The following BEAN1 variants were observed in gnomAD, a reference collection of about 807,000 sequenced individuals.
The protein encoded by BEAN1 is brain expressed associated with NEDD4 1, also known as protein BEAN1.
Under a neutral mutation model 17.7 loss-of-function variants are expected in BEAN1, and 17 were observed. The observed-to-expected ratio is 0.96, with a 90% CI of 0.66 to 1.44. The LOEUF (loss-of-function observed/expected upper bound fraction) is 1.44, where lower values mean the gene tolerates loss of function less well. BEAN1 is among the 40% of genes most tolerant of loss of function. BEAN1 has a pLI of 0.00. For synonymous variants in BEAN1, 142 were observed against 151.8 expected, an observed-to-expected ratio of 0.94 and a Z score of 0.47; for missense variants, 359 against 374.1, an observed-to-expected ratio of 0.96 and a Z score of 0.33.
At chr16:66,431,366 G>A (rs954727333) in intron 1 of BEAN1, among the ~76,000 whole-genome samples, 1 of 152,110 alleles carries the variant, frequency 6.6e-6, no homozygotes, top group Admixed American at 6.5e-5. Flanking sequence ...TTTTCATTTT[G>A]TTAGCACAAA....
intron 2 of BEAN1, among the ~76,000 whole-genome samples, chr16:66,441,863 A>G (rs1255785898): frequency 6.6e-6 from 1 of 152,058 alleles, no homozygotes; most frequent in Non-Finnish European, 1.5e-5. Flanking sequence ...GACCCCTCCT[A>G]GGCACTGCTC....
chr16:66,459,616 T>A (rs748986499), intron 2 of BEAN1, among the ~76,000 whole-genome samples: 47 of 152,164 alleles, frequency 3.1e-4, no homozygotes, highest in Non-Finnish European at 2.6e-4. Flanking sequence ...CCACTGCACC[T>A]GTCCCAAAGG....
chr16:66,466,025 G>A (rs992824317), intron 2 of BEAN1, among the ~76,000 whole-genome samples: 5 of 152,196 alleles, frequency 3.3e-5, no homozygotes, highest in Admixed American at 6.5e-5. Flanking sequence ...TGTTGGCCAG[G>A]CTGGACTTGA....
intron 3 of BEAN1, among the ~76,000 whole-genome samples, chr16:66,474,772 GGAGAGAGAAGGAAAGAAAA>G (rs1839097353): frequency 6.6e-6 from 1 of 152,062 alleles, no homozygotes; most frequent in African/African-American, 2.4e-5. Context: ...AAGAAAGAAA[GGAGAGAGAAGGAAAGAAAA>G]GAAAATTCTG....
intron 3 of BEAN1, among the ~76,000 whole-genome samples, chr16:66,472,185 C>G (rs1963509495): frequency 6.6e-6 from 1 of 152,240 alleles, no homozygotes; most frequent in Non-Finnish European, 1.5e-5. Context: ...TCACACCTAC[C>G]AGGCAGAGCT....
exon 5 of BEAN1, chr16:66,493,005 C>T: frequency 1.4e-6 from 1 of 702,994 alleles, no homozygotes; most frequent in Non-Finnish European, 2.6e-6. Context: ...TCTATGCTTT[C>T]CAGACACAAA....
chr16:66,479,519 C>G (rs1249318142), intron 4 of BEAN1, among the ~76,000 whole-genome samples: 1 of 152,010 alleles, frequency 6.6e-6, no homozygotes, highest in East Asian at 1.9e-4. Flanking sequence ...GGCACGACTA[C>G]GAAGACAGAG....
intron 2 of BEAN1, among the ~76,000 whole-genome samples, chr16:66,455,771 T>C (rs1015648640): frequency 6.6e-6 from 1 of 152,108 alleles, no homozygotes; most frequent in African/African-American, 2.4e-5. Flanking sequence ...ACCACAGCCT[T>C]GACCTCCCAA....
chr16:66,493,486 C>T, exon 5 of BEAN1: 1 of 600,814 alleles, frequency 1.7e-6, no homozygotes, highest in East Asian at 2.8e-5. Flanking sequence ...GTGAGGAGGT[C>T]CTGCCTTGCT....
exon 5 of BEAN1, chr16:66,493,238 C>T (rs1229061079): frequency 1.4e-6 from 1 of 703,018 alleles, no homozygotes; most frequent in Non-Finnish European, 2.6e-6. Flanking sequence ...AGAGAAAAGG[C>T]TGGTGAAGCC....
chr16:66,440,145 T>C (rs1962195657), intron 2 of BEAN1, among the ~76,000 whole-genome samples: 1 of 147,484 alleles, frequency 6.8e-6, no homozygotes, highest in African/African-American at 2.5e-5. Flanking sequence ...TTTTTTTTTT[T>C]TTGAGATGGA....
intron 2 of BEAN1, among the ~76,000 whole-genome samples, chr16:66,447,461 T>C (rs1320954102): frequency 6.6e-6 from 1 of 152,198 alleles, no homozygotes; most frequent in Non-Finnish European, 1.5e-5. Flanking sequence ...TGTGTTCTTT[T>C]CTTTCTTTTT....
At chr16:66,483,251 G>T (rs1193536306), downstream of BEAN1, 1 of 172,548 alleles carries the variant, frequency 5.8e-6, no homozygotes, top group African/African-American at 2.4e-5. Context: ...TTGAAGCCTT[G>T]TCATTTTCCT....
At chr16:66,443,340 T>C (rs974382251) in intron 2 of BEAN1, among the ~76,000 whole-genome samples, 2 of 152,208 alleles carry the variant, frequency 1.3e-5, no homozygotes, top group Admixed American at 1.3e-4. Context: ...GAGGGGTCAG[T>C]GTGCCCATTC....
At chr16:66,486,986 T>G (rs2142483334), downstream of BEAN1, among the ~76,000 whole-genome samples, 1 of 152,288 alleles carries the variant, frequency 6.6e-6, no homozygotes, top group East Asian at 1.9e-4. Flanking sequence ...ATCTTGAATC[T>G]GTGCCAGCTC....
At chr16:66,483,163 A>C (rs1215331728), downstream of BEAN1, 1 of 239,760 alleles carries the variant, frequency 4.2e-6, no homozygotes, top group Non-Finnish European at 8.4e-6. Flanking sequence ...AAAAGGAAAC[A>C]CTAAATAGCA....
intron 2 of BEAN1, among the ~76,000 whole-genome samples, chr16:66,451,946 G>A (rs948878672): frequency 4.6e-5 from 7 of 152,194 alleles, no homozygotes; most frequent in African/African-American, 1.4e-4. Context: ...GATACTAAAC[G>A]TTGGTGAACA....
intron 4 of BEAN1, among the ~76,000 whole-genome samples, chr16:66,491,407 A>G (rs932621402): frequency 1.4e-4 from 22 of 152,222 alleles, no homozygotes; most frequent in African/African-American, 4.8e-4. Context: ...ATGTCTGAGC[A>G]AGGGGGATTC....
Position 66,434,573 on chromosome 16 carries a change from G to A in BEAN1, c.-82-3022G>A, listed in dbSNP as rs180774715. 6.6e-6 allele frequency among the ~76,000 whole-genome samples: 1 copy of A among 152,162 alleles called. No homozygotes were observed. Among genetic ancestry groups the A allele is most frequent in the Non-Finnish European group, 1.5e-5 (1 of 68,036 alleles). The stretch of plus-strand genomic sequence containing the variant: ...TTCCAAGGGTTTTGTGGGACACCGC[G>A]TAGGTGCTTGGGAAATGAATCAATG... On this transcript the variant is annotated intron_variant, in intron 1 of 4. Transcript: ENST00000536005. The surrounding 1 kb of genome is among the most constrained non-coding windows in gnomAD (Gnocchi z 4.3).
Sources: gnomAD v4.1 joint callset for allele counts (sites outside exome capture counted in the v4.1 genomes callset) on GRCh38, gnomAD v4.1.1 for gene constraint, Gnocchi (gnomAD v3.1) non-coding constraint, MANE v1.5 for transcripts, NCBI Gene and HGNC (gene_info 2026-07-23, HGNC 2026-07-21) for gene names.